Variants in DENND4A observed in about 807,000 individuals in gnomAD.
The protein encoded by DENND4A is C-myc promoter-binding protein.
In DENND4A, 70 loss-of-function variants were observed where a neutral mutation model predicts 199.3. That is an observed-to-expected ratio of 0.35 (90% CI 0.29 to 0.43). DENND4A has a LOEUF of 0.43. DENND4A is among the 20% of genes least tolerant of loss of function. The pLI, the probability that DENND4A is intolerant of heterozygous loss-of-function variation, is 1.00. For synonymous variants in DENND4A, 686 were observed against 766.9 expected (o/e 0.89, Z 1.74); for missense variants, 1,723 against 2,255.8 (o/e 0.76, Z 4.78).
chr15:65,739,898 C>T (rs754199795), intron 5 of DENND4A, among the ~76,000 whole-genome samples: 12 of 151,982 alleles, frequency 7.9e-5, no homozygotes, highest in Non-Finnish European at 1.5e-4. Flanking sequence ...TGATGAAGGC[C>T]GGCTGGGCGT....
rs767010334 is a variant in DENND4A at position 65,691,368 on chromosome 15, G to A, written c.3226C>T (p.Arg1076Cys). Residue 1076 changes from arginine (R) to cysteine (C), a missense_variant, in exon 23 of 33, where the codon CGT (arginine) becomes TGT (cysteine). Physicochemically the swap from Arg to Cys is radical, Grantham distance 180. Around this residue, in one of 6 missense-constraint regions of DENND4A, gnomAD observed 650 missense variants for 738.1 expected, o/e 0.88. Transcript: ENST00000443035. ...QQQVVWGNRN[R>C]NLSGGVLMGF... is the part of the protein sequence containing the mutation. ...ATCAGTACCCCTCCACTAAGATTAC[G>A]GTTTCTATTTCCCCAGACCACTTGC... 1.2e-5 allele frequency: 20 copies of A among 1,613,322 alleles called. No individual in the cohort carries two copies. The highest frequency in any genetic ancestry group is 1.7e-5 in the Admixed American group (1 of 59,916).
chr15:65,696,586 T>TCAAG, intron 21 of DENND4A, 89 bp from the exon 22 acceptor site: 4 of 962,268 alleles, frequency 4.2e-6, no homozygotes, highest in Non-Finnish European at 6.0e-6. Context: ...CTACATATTT[T>TCAAG]TACTTGAAAA....
At chr15:65,675,272 G>C (rs2076339886) in intron 24 of DENND4A, among the ~76,000 whole-genome samples, 1 of 152,086 alleles carries the variant, frequency 6.6e-6, no homozygotes, top group Non-Finnish European at 1.5e-5. Flanking sequence ...ACTACATAAT[G>C]CTTTACACAA....
At chr15:65,739,874 A>G (rs1179945431) in intron 5 of DENND4A, among the ~76,000 whole-genome samples, 1 of 152,188 alleles carries the variant, frequency 6.6e-6, no homozygotes, top group East Asian at 1.9e-4. Flanking sequence ...GTCATAAAGT[A>G]AGTATAGAAA....
intron 27 of DENND4A, 151 bp downstream of exon 27, chr15:65,669,628 T>G: frequency 1.5e-6 from 1 of 662,856 alleles, no homozygotes; most frequent in Non-Finnish European, 2.4e-6. Flanking sequence ...TAGAGAATTT[T>G]AACACTGTTT....
intron 1 of DENND4A, among the ~76,000 whole-genome samples, chr15:65,791,441 GT>G: frequency 6.6e-6 from 1 of 151,774 alleles, no homozygotes; most frequent in South Asian, 2.1e-4. Flanking sequence ...ACCAGGAACA[GT>G]TCCCTTCCCC....
chr15:65,733,152 T>C (rs769069912), intron 7 of DENND4A, among the ~76,000 whole-genome samples: 2 of 152,238 alleles, frequency 1.3e-5, no homozygotes, highest in African/African-American at 2.4e-5. Flanking sequence ...ATTTACAATA[T>C]GCTTTTTAGT....
In DENND4A at chr15:65,756,426, C is replaced by A. The variant is rs1003227129; in HGVS notation, c.25G>T (p.Val9Phe). Residue 9 changes from valine (V) to phenylalanine (F), a missense_variant, in exon 3 of 33, where the codon GTT becomes TTT. By Grantham distance (50) the Val-to-Phe change is conservative (BLOSUM62 -1). Transcript: ENST00000443035. ...CCTGCTACAACAAAGTAGTCAGCAA[C>A]ACGAGGCCCCTTGTCTTCAATCATC... is the stretch of plus-strand genomic sequence containing the variant. MIEDKGPRVADYFVVAGLT... is the reference protein window; with the variant it reads MIEDKGPRFADYFVVAGLT... 3 of 1,610,378 alleles carry A rather than the reference C, an allele frequency of 1.9e-6. No individual in the cohort carries two copies. The highest frequency in any genetic ancestry group is 2.5e-6 in the Non-Finnish European group (3 of 1,178,568).
intron 4 of DENND4A, among the ~76,000 whole-genome samples, chr15:65,751,603 T>A (rs578229119): frequency 2.6e-5 from 4 of 151,788 alleles, no homozygotes; most frequent in East Asian, 3.9e-4. Context: ...GATGGGGAGA[T>A]GAAAAGGAAT....
chr15:65,721,689 C>T (rs775178307), intron 12 of DENND4A, among the ~76,000 whole-genome samples: 10 of 151,652 alleles, frequency 6.6e-5, no homozygotes, highest in Non-Finnish European at 1.3e-4. Flanking sequence ...GCAGTCTTAA[C>T]TCCCAGGCTC....
intron 1 of DENND4A, among the ~76,000 whole-genome samples, chr15:65,767,900 G>T (rs868566695): frequency 1.3e-5 from 2 of 152,278 alleles, no homozygotes; most frequent in Middle Eastern, 3.4e-3. Context: ...AGAGATAAAG[G>T]AGAATAAAAT....
intron 11 of DENND4A, among the ~76,000 whole-genome samples, chr15:65,723,935 C>T (rs1359638310): frequency 6.6e-6 from 1 of 152,154 alleles, no homozygotes; most frequent in African/African-American, 2.4e-5. Context: ...CTATAATCTC[C>T]TTTATTATAG....
At chr15:65,706,879 T>G (rs956556449) in intron 14 of DENND4A, among the ~76,000 whole-genome samples, 5 of 152,160 alleles carry the variant, frequency 3.3e-5, no homozygotes, top group Non-Finnish European at 7.4e-5. Context: ...AGGAATAGGG[T>G]AGACAAGGAT....
intron 1 of DENND4A, among the ~76,000 whole-genome samples, chr15:65,779,875 C>A (rs964952489): frequency 6.6e-6 from 1 of 151,954 alleles, no homozygotes; most frequent in African/African-American, 2.4e-5. Context: ...GGATTACAGG[C>A]GTGAGCCACA....
chr15:65,709,719 A>AAAAAAAAAATATATATATATATAT (rs1218030026), intron 14 of DENND4A, among the ~76,000 whole-genome samples: 1 of 51,470 alleles, frequency 1.9e-5, no homozygotes, highest in Non-Finnish European at 3.1e-5. Context: ...AAAAAAAAAA[A>AAAAAAAAAATATATATATATATAT]ATATATATAT....
chr15:65,722,018 T>G (rs989041440), intron 12 of DENND4A, among the ~76,000 whole-genome samples: 1 of 152,220 alleles, frequency 6.6e-6, no homozygotes, highest in Non-Finnish European at 1.5e-5. Flanking sequence ...ACTTCGATTT[T>G]CAAACTTTAA....
intron 14 of DENND4A, among the ~76,000 whole-genome samples, chr15:65,712,869 T>A (rs1018230423): frequency 1.3e-5 from 2 of 152,008 alleles, no homozygotes; most frequent in Non-Finnish European, 2.9e-5. Flanking sequence ...ATCATGGCCA[T>A]AACATCATGG....
At chr15:65,733,769 A>T (rs913054446) in intron 7 of DENND4A, among the ~76,000 whole-genome samples, 4 of 152,246 alleles carry the variant, frequency 2.6e-5, no homozygotes, top group African/African-American at 9.6e-5. Context: ...AGATTCTGTT[A>T]ATCTATGACC....
chr15:65,700,811 A>G, intron 19 of DENND4A, 136 bp from the exon 20 acceptor site: 3 of 1,006,544 alleles, frequency 3.0e-6, no homozygotes, highest in Non-Finnish European at 4.1e-6. Flanking sequence ...CAACTATAAC[A>G]AAGAAACCTA....
Sources: gnomAD v4.1 joint callset for allele counts (sites outside exome capture counted in the v4.1 genomes callset) on GRCh38, gnomAD v4.1.1 for gene constraint, gnomAD v4.1.1 regional missense constraint, MANE v1.5 for transcripts, NCBI Gene and HGNC (gene_info 2026-07-23, HGNC 2026-07-21) for gene names.